Variants in AGBL4 observed in about 807,000 individuals in gnomAD.
The protein encoded by AGBL4 is cytosolic carboxypeptidase 6.
A neutral mutation model predicts 66.4 loss-of-function variants in AGBL4; 58 were observed. That is an observed-to-expected ratio of 0.87 (90% CI 0.71 to 1.09). AGBL4 has a LOEUF of 1.09. Among genes scored for constraint, AGBL4 ranks in the 50% least tolerant of loss-of-function variants. The pLI is 0.00. For synonymous variants in AGBL4, 234 were observed against 222.9 expected (o/e 1.05, Z -0.44); for missense variants, 579 against 631.0 (o/e 0.92, Z 0.88).
chr1:49,941,245 T>C (rs1654729837), intron 1 of AGBL4, among the ~76,000 whole-genome samples: 1 of 152,204 alleles, frequency 6.6e-6, no homozygotes, highest in African/African-American at 2.4e-5. Context: ...TGGTGAATTC[T>C]ACCAAACATT....
At position 49,770,514 on chromosome 1, in the gene AGBL4, G is replaced by C. The variant is rs143957951; in HGVS notation, c.158-73077C>G. On this transcript the variant is annotated intron_variant, in intron 2 of 13. Transcript: ENST00000371839. The stretch of plus-strand genomic sequence containing the variant: ...GTTGTTGTGCCTTTGCCTTTGGTCA[G>C]GGTAACGCTGACCTTTTAAAAAGAG... Among the ~76,000 whole-genome samples, 514 of 152,188 alleles carry C rather than the reference G, an allele frequency of 3.4e-3. 1 individual carries two copies. The highest frequency in any genetic ancestry group is 0.012 in the African/African-American group (484 of 41,530).
chr1:48,834,626 C>G lies in AGBL4; in HGVS notation c.634+32565G>C, dbSNP rs559013528. Among the ~76,000 whole-genome samples the G allele has an allele frequency of 2.6e-5, 4 of 152,214 alleles. No homozygotes were observed. In the South Asian group the frequency reaches 8.3e-4, roughly 32 times the overall value. ...AGCAAGAAGGAGGCTGTCTGCAAGC[C>G]AGAAAGAGAGCCCTCACCAAGGCAC... On this transcript the variant is annotated intron_variant, in intron 6 of 13. Coordinates refer to ENST00000371839, the MANE Select transcript of AGBL4 (RefSeq NM_032785.4).
At chr1:49,567,272 G>C (rs990170826) in intron 3 of AGBL4, among the ~76,000 whole-genome samples, 3 of 152,212 alleles carry the variant, frequency 2.0e-5, no homozygotes, top group East Asian at 1.9e-4. Flanking sequence ...GCCTCGCCCT[G>C]CTTTGGCTCA....
At chr1:49,989,194 C>T (rs1446201135) in intron 1 of AGBL4, among the ~76,000 whole-genome samples, 1 of 152,136 alleles carries the variant, frequency 6.6e-6, no homozygotes, top group Non-Finnish European at 1.5e-5. Flanking sequence ...GATGATTACA[C>T]ATCAACATAA....
intron 3 of AGBL4, among the ~76,000 whole-genome samples, chr1:49,444,358 G>C (rs1040860705): frequency 6.6e-6 from 1 of 151,988 alleles, no homozygotes; most frequent in African/African-American, 2.4e-5. Flanking sequence ...AGAGTGTGGA[G>C]TTAAAGTCCT....
At chr1:49,754,205 A>G (rs1350209584) in intron 2 of AGBL4, among the ~76,000 whole-genome samples, 1 of 149,906 alleles carries the variant, frequency 6.7e-6, no homozygotes, top group Admixed American at 6.6e-5. Context: ...CATCTTCATG[A>G]TTTATCTACC....
intron 1 of AGBL4, among the ~76,000 whole-genome samples, chr1:49,879,567 G>A (rs905222962): frequency 1.0e-4 from 15 of 147,576 alleles, no homozygotes; most frequent in Admixed American, 2.7e-4. Flanking sequence ...AGGGTAACCC[G>A]ACCTTTCTCT....
At chr1:49,682,103 T>C (rs1323142502) in intron 3 of AGBL4, among the ~76,000 whole-genome samples, 1 of 152,136 alleles carries the variant, frequency 6.6e-6, no homozygotes, top group Non-Finnish European at 1.5e-5. Context: ...TCAAGATTAC[T>C]TTCCTTGATT....
chr1:48,963,269 C>CTG (rs1007024623), intron 5 of AGBL4, among the ~76,000 whole-genome samples: 1 of 151,984 alleles, frequency 6.6e-6, no homozygotes, highest in African/African-American at 2.4e-5. Flanking sequence ...CAGCCTTAAT[C>CTG]TGTGCATAAC....
At chr1:49,567,983 T>C (rs964179073) in intron 3 of AGBL4, among the ~76,000 whole-genome samples, 1 of 152,024 alleles carries the variant, frequency 6.6e-6, no homozygotes, top group African/African-American at 2.4e-5. Context: ...ATAAGAGCCA[T>C]ATATAAAAAA....
At chr1:49,277,292 A>T (rs767422645) in intron 3 of AGBL4, among the ~76,000 whole-genome samples, 5 of 152,132 alleles carry the variant, frequency 3.3e-5, no homozygotes, top group Non-Finnish European at 7.4e-5. Context: ...TTATCCTTTA[A>T]ATTTCAATTT....
At chr1:49,488,950 G>A (rs1361062609) in intron 3 of AGBL4, among the ~76,000 whole-genome samples, 2 of 151,824 alleles carry the variant, frequency 1.3e-5, no homozygotes, top group African/African-American at 4.8e-5. Flanking sequence ...GGATGCATAT[G>A]TTGCTTCCAA....
intron 6 of AGBL4, among the ~76,000 whole-genome samples, chr1:48,682,520 T>C (rs1646470745): frequency 2.0e-5 from 3 of 151,930 alleles, no homozygotes; most frequent in Admixed American, 2.0e-4. Context: ...GCAGTCCTCC[T>C]GCTTCAACCT....
chr1:49,130,078 T>G (rs1308137649), intron 4 of AGBL4, among the ~76,000 whole-genome samples: 3 of 152,184 alleles, frequency 2.0e-5, no homozygotes, highest in Non-Finnish European at 4.4e-5. Context: ...TGGTGAGCAT[T>G]TTTTCATGTG....
chr1:49,443,455 T>C (rs1349340468), intron 3 of AGBL4, among the ~76,000 whole-genome samples: 1 of 152,190 alleles, frequency 6.6e-6, no homozygotes, highest in South Asian at 2.1e-4. Context: ...TGGTGACAAA[T>C]AGGAGCCCAG....
At chr1:49,698,223 G>T (rs1315276284) in intron 2 of AGBL4, among the ~76,000 whole-genome samples, 1 of 149,590 alleles carries the variant, frequency 6.7e-6, no homozygotes, top group Non-Finnish European at 1.5e-5. Flanking sequence ...AGCAACTTTA[G>T]ACAATTCACT....
intron 6 of AGBL4, among the ~76,000 whole-genome samples, chr1:48,705,310 A>T (rs192912279): frequency 3.7e-4 from 56 of 152,374 alleles, no homozygotes; most frequent in Admixed American, 2.6e-3. Flanking sequence ...CAAACAGCAG[A>T]TATGAAATGA....
intron 3 of AGBL4, among the ~76,000 whole-genome samples, chr1:49,656,502 T>A (rs563615017): frequency 6.6e-6 from 1 of 152,228 alleles, no homozygotes; most frequent in South Asian, 2.1e-4. Context: ...CCTAACTCAT[T>A]TTATGAGGCC....
Position 49,956,889 on chromosome 1 carries a change from T to C in AGBL4, c.34+66874A>G, listed in dbSNP as rs561452069. On this transcript the variant is annotated intron_variant, in intron 1 of 13. Coordinates refer to ENST00000371839, the MANE Select transcript of AGBL4 (RefSeq NM_032785.4). ...TTTGTCAAGAGCAAAAGATTCTTCT[T>C]ATAGGAGAAACAGTAGATTAACCCT... Among the ~76,000 whole-genome samples, 196 of 152,106 alleles carry C rather than the reference T, an allele frequency of 1.3e-3. 3 individuals are homozygous for C. Among genetic ancestry groups the C allele is most frequent in the Non-Finnish European group, 9.0e-4 (61 of 67,922 alleles).
Sources: gnomAD v4.1 joint callset for allele counts (sites outside exome capture counted in the v4.1 genomes callset) on GRCh38, gnomAD v4.1.1 for gene constraint, MANE v1.5 for transcripts, NCBI Gene and HGNC (gene_info 2026-07-23, HGNC 2026-07-21) for gene names.